Variants in SYN3 observed in about 807,000 individuals in gnomAD.
SYN3 encodes synapsin-3.
In SYN3, 35 loss-of-function variants were observed where a neutral mutation model predicts 65.8. The ratio of observed to expected loss-of-function variants is 0.53; its 90% CI spans 0.41 to 0.70. SYN3 has a LOEUF of 0.70. Ranked by LOEUF, SYN3 falls within the 30% of genes least tolerant of loss-of-function variation. The pLI is 0.00. For missense variants in SYN3, 680 were observed against 749.0 expected, an observed-to-expected ratio of 0.91 and a Z score of 1.08; for synonymous variants, 270 against 292.9, an observed-to-expected ratio of 0.92 and a Z score of 0.80.
chr22:32,658,941 G>A (rs897463305), intron 6 of SYN3, among the ~76,000 whole-genome samples: 21 of 152,270 alleles, frequency 1.4e-4, no homozygotes, highest in African/African-American at 4.1e-4. Context: ...GGCGCTATTC[G>A]GACTTCACAT....
At chr22:32,540,986 G>A (rs767274439) in intron 8 of SYN3, among the ~76,000 whole-genome samples, 3 of 152,166 alleles carry the variant, frequency 2.0e-5, no homozygotes, top group Non-Finnish European at 4.4e-5. Context: ...TGATAATTGA[G>A]TTGGGAGATA....
In SYN3 at chr22:32,989,210, T is replaced by G. The variant is rs375393274; in HGVS notation, c.312-8508A>C. The stretch of plus-strand genomic sequence containing the variant: ...GTGCTGCCTCAGGCCAGTGTCAACC[T>G]TCCTGAACCTTGGTTTCCTTAACTG... On this transcript the variant is annotated intron_variant, in intron 2 of 13. Coordinates refer to ENST00000358763, the MANE Select transcript of SYN3 (RefSeq NM_003490.4). Among the ~76,000 whole-genome samples, 32 of 152,304 alleles carry G rather than the reference T, an allele frequency of 2.1e-4. 1 individual carries two copies. The South Asian group carries it at 6.6e-3, about 32-fold the overall frequency.
chr22:32,683,937 C>T (rs1253938101), intron 6 of SYN3, among the ~76,000 whole-genome samples: 2 of 152,120 alleles, frequency 1.3e-5, no homozygotes, highest in Non-Finnish European at 2.9e-5. Context: ...GCTACTGGGG[C>T]CCTCACTGAA....
chr22:32,823,059 AG>A (rs1406871894), intron 6 of SYN3, among the ~76,000 whole-genome samples: 1 of 152,224 alleles, frequency 6.6e-6, no homozygotes, highest in Non-Finnish European at 1.5e-5. Context: ...AATTTGATCC[AG>A]TGTTTTCTGG....
At chr22:32,674,036 C>A (rs1360089366) in intron 6 of SYN3, among the ~76,000 whole-genome samples, 1 of 151,922 alleles carries the variant, frequency 6.6e-6, no homozygotes, top group Admixed American at 6.6e-5. Flanking sequence ...GAAACCCAGG[C>A]AAGAGATGGC....
chr22:32,893,984 A>G (rs1220102986), intron 4 of SYN3, among the ~76,000 whole-genome samples: 1 of 152,160 alleles, frequency 6.6e-6, no homozygotes, highest in African/African-American at 2.4e-5. Context: ...ATCACAGCCT[A>G]TACTATGACA....
At chr22:32,766,112 T>C (rs1390761393) in intron 6 of SYN3, among the ~76,000 whole-genome samples, 5 of 152,164 alleles carry the variant, frequency 3.3e-5, no homozygotes, top group African/African-American at 9.7e-5. Flanking sequence ...GAGGAGGTAT[T>C]TGGAGCCATA....
chr22:32,869,361 T>TCTCTCTCTCTCTCTCTCTCG (rs1485274775), intron 4 of SYN3, among the ~76,000 whole-genome samples: 1 of 150,172 alleles, frequency 6.7e-6, no homozygotes, highest in African/African-American at 2.4e-5. Flanking sequence ...TCTCTCTCTC[T>TCTCTCTCTCTCTCTCTCTCG]CTCTCTCACA....
chr22:32,573,936 A>T (rs1007488207), intron 7 of SYN3, among the ~76,000 whole-genome samples: 2 of 140,590 alleles, frequency 1.4e-5, no homozygotes, highest in African/African-American at 5.3e-5. Context: ...CGCCCGGCTA[A>T]TTTTTTTTTT....
chr22:32,995,433 CTAAG>C (rs898035809), intron 2 of SYN3, among the ~76,000 whole-genome samples: 3 of 152,176 alleles, frequency 2.0e-5, no homozygotes, highest in Non-Finnish European at 4.4e-5. Context: ...CATTGTCTAT[CTAAG>C]TATTAACTGG....
rs1355462868 is a variant in SYN3, at chr22:32,512,150, G to A, written c.*1542C>T. ...GGTTTTGAAGGACCAAAAAGGAGAT[G>A]ATTGCTTTTATGCTCCTGGGAACCT... On this transcript the variant is annotated 3_prime_UTR_variant, in exon 14 of 14. Transcript: ENST00000358763. Among the ~76,000 whole-genome samples the A allele has an allele frequency of 6.6e-6, 1 of 152,234 alleles. No individual in the cohort carries two copies. The highest frequency in any genetic ancestry group is 1.5e-5 in the Non-Finnish European group (1 of 68,048).
At chr22:32,990,301 A>AATCAATCC (rs2052659355) in intron 2 of SYN3, among the ~76,000 whole-genome samples, 1 of 139,442 alleles carries the variant, frequency 7.2e-6, no homozygotes, top group Non-Finnish European at 1.5e-5. Context: ...TCCATCCATG[A>AATCAATCC]ATCCATCCAT....
intron 3 of SYN3, among the ~76,000 whole-genome samples, chr22:32,961,198 G>A (rs144272939): frequency 2.6e-5 from 4 of 152,278 alleles, no homozygotes; most frequent in African/African-American, 7.2e-5. Context: ...AACCAAAAAT[G>A]TCTCCAGGCA....
Position 32,964,401 on chromosome 22 carries a change from C to G in SYN3, c.369+16244G>C, listed in dbSNP as rs903976864. On this transcript the variant is annotated intron_variant, in intron 3 of 13. Coordinates refer to ENST00000358763, the MANE Select transcript of SYN3 (RefSeq NM_003490.4). ...AACCTGCACGTTGTGCACATGTACCCTAAAACTTAAAGTATAATAAAAAAA... is the reference window on the plus strand; with the variant it reads ...AACCTGCACGTTGTGCACATGTACCGTAAAACTTAAAGTATAATAAAAAAA... Among the ~76,000 whole-genome samples, 43 of 142,594 alleles carry G rather than the reference C, an allele frequency of 3.0e-4. 1 individual carries two copies. Among genetic ancestry groups the G allele is most frequent in the Non-Finnish European group, 6.0e-4 (40 of 66,368 alleles). The allele number at this position is 142,594 out of a possible 152,430, so 93.5% of individuals were successfully genotyped here.
intron 9 of SYN3, among the ~76,000 whole-genome samples, chr22:32,535,781 C>CGG (rs370373433): frequency 0.031 from 4,486 of 146,836 alleles, 74 homozygotes; most frequent in Non-Finnish European, 0.034. Context: ...CTTGGAGAAT[C>CGG]GGGGGGGGGG....
chr22:32,530,884 T>C (rs2058057911), intron 10 of SYN3, among the ~76,000 whole-genome samples: 1 of 151,860 alleles, frequency 6.6e-6, no homozygotes, highest in Admixed American at 6.6e-5. Flanking sequence ...CAGGTGCCTG[T>C]AATCCCAGCT....
chr22:32,687,087 T>A (rs2060600702), intron 6 of SYN3, among the ~76,000 whole-genome samples: 1 of 152,186 alleles, frequency 6.6e-6, no homozygotes, highest in African/African-American at 2.4e-5. Flanking sequence ...CTGCCCCAGG[T>A]GCCCAGGCTG....
At chr22:32,671,274 A>G (rs916762447) in intron 6 of SYN3, among the ~76,000 whole-genome samples, 12 of 151,826 alleles carry the variant, frequency 7.9e-5, no homozygotes, top group Non-Finnish European at 1.5e-4. Context: ...TTACACACTT[A>G]CACTCCCACC....
In SYN3 at chr22:32,795,867, G is replaced by A. The variant is rs186001341; in HGVS notation, c.711+69048C>T. Among the ~76,000 whole-genome samples, 18 of 152,264 alleles carry A rather than the reference G, an allele frequency of 1.2e-4. No individual in the cohort carries two copies. In the East Asian group the frequency reaches 3.5e-3, roughly 29 times the overall value. On this transcript the variant is annotated intron_variant, in intron 6 of 13. Transcript: ENST00000358763. ...GGACTGTCCCCACAGCACAGGACAA[G>A]ACCATATCAGTTCCAGCAGGTTCCA...
Sources: gnomAD v4.1 joint callset for allele counts (sites outside exome capture counted in the v4.1 genomes callset) on GRCh38, gnomAD v4.1.1 for gene constraint, MANE v1.5 for transcripts, NCBI Gene and HGNC (gene_info 2026-07-23, HGNC 2026-07-21) for gene names.